The following SP140 variants were observed in gnomAD, a reference collection of about 807,000 sequenced individuals.
The protein encoded by SP140 is SP140 nuclear body protein, also known as nuclear body protein SP140.
SP140 carries 81 observed loss-of-function variants against 125.0 expected under a neutral mutation model. That is an observed-to-expected ratio of 0.65 (90% CI 0.54 to 0.78). The LOEUF is 0.78. SP140 is among the 30% of genes least tolerant of loss of function. The pLI is 0.00. For missense variants in SP140, 858 were observed against 1,037.0 expected, an observed-to-expected ratio of 0.83 and a Z score of 2.37; for synonymous variants, 312 against 354.0, an observed-to-expected ratio of 0.88 and a Z score of 1.33.
upstream of SP140, among the ~76,000 whole-genome samples, chr2:230,198,839 C>G (rs2042995498): frequency 1.3e-5 from 2 of 152,126 alleles, no homozygotes; most frequent in South Asian, 4.1e-4. Context: ...CTGAAGTGAT[C>G]CACCCACCTC....
At chr2:230,195,066 GT>G in the SP140 span, among the ~76,000 whole-genome samples, 1 of 149,922 alleles carries the variant, frequency 6.7e-6, no homozygotes, top group Admixed American at 6.6e-5. Context: ...TTTTTTTTCT[GT>G]TTTCTTTTTG....
intron 20 of SP140, among the ~76,000 whole-genome samples, 153 bp from the exon 21 acceptor site, chr2:230,294,118 G>A (rs180885092): frequency 6.6e-6 from 1 of 152,322 alleles, no homozygotes; most frequent in East Asian, 1.9e-4. Context: ...AGAAGCACAG[G>A]TGAAGACAGG....
At chr2:230,262,406 C>T in intron 12 of SP140, among the ~76,000 whole-genome samples, 1 of 152,070 alleles carries the variant, frequency 6.6e-6, no homozygotes, top group East Asian at 1.9e-4. Flanking sequence ...GCTTTTGTTT[C>T]ATTTATCGTT....
chr2:230,213,050 C>T (rs2044670167), intron 1 of SP140: 1 of 1,612,654 alleles, frequency 6.2e-7, no homozygotes, highest in Non-Finnish European at 8.5e-7. Flanking sequence ...AAGGGACACA[C>T]ATCAGTACCC....
upstream of SP140, among the ~76,000 whole-genome samples, chr2:230,199,031 A>G (rs1001939769): frequency 6.6e-6 from 1 of 152,070 alleles, no homozygotes; most frequent in South Asian, 2.1e-4. Context: ...TGATGGAGCC[A>G]CATGCTGAGG....
intron 15 of SP140, among the ~76,000 whole-genome samples, chr2:230,281,874 G>T (rs1286585695): frequency 6.6e-6 from 1 of 152,082 alleles, no homozygotes; most frequent in Non-Finnish European, 1.5e-5. Context: ...ATTCTTGTAG[G>T]AGTCTTCCTG....
intron 1 of SP140, chr2:230,212,339 A>G (rs2148922663): frequency 6.3e-7 from 1 of 1,599,040 alleles, no homozygotes; most frequent in Non-Finnish European, 8.6e-7. Flanking sequence ...AGCCCCAGTC[A>G]GTGTTACCTT....
At chr2:230,207,956 C>A in intron 1 of SP140, 1 of 1,092,340 alleles carries the variant, frequency 9.2e-7, no homozygotes, top group East Asian at 2.4e-5. Context: ...TGAGCTGTTT[C>A]CAGCCTCCAG....
intron 1 of SP140, chr2:230,208,033 AC>A: frequency 1.9e-6 from 3 of 1,565,416 alleles, no homozygotes; most frequent in Non-Finnish European, 2.6e-6. Context: ...TTTGGAGTTG[AC>A]CAGATACATC....
upstream of SP140, among the ~76,000 whole-genome samples, chr2:230,224,489 G>C (rs560329112): frequency 5.3e-5 from 8 of 150,716 alleles, no homozygotes; most frequent in East Asian, 9.7e-4. Context: ...GAGAGGGAGA[G>C]AGAGGGAGAC....
chr2:230,297,287 C>T, intron 21 of SP140, 134 bp from the exon 22 acceptor site: 1 of 1,031,838 alleles, frequency 9.7e-7, no homozygotes, highest in African/African-American at 1.6e-5. Flanking sequence ...AGCCTACTGG[C>T]CTTCTCTCTT....
intron 12 of SP140, among the ~76,000 whole-genome samples, chr2:230,265,812 T>C (rs192074631): frequency 4.9e-4 from 74 of 151,982 alleles, no homozygotes; most frequent in African/African-American, 1.7e-3. Context: ...GTCTCCTGGG[T>C]CCTGCAGGTG....
intron 3 of SP140, among the ~76,000 whole-genome samples, chr2:230,216,578 C>T (rs1414968547): frequency 6.6e-6 from 1 of 152,202 alleles, no homozygotes; most frequent in Admixed American, 6.5e-5. Context: ...GTCATTGTTA[C>T]AGCAGTCCTT....
At chr2:230,222,909 C>G (rs1394364735), upstream of SP140, among the ~76,000 whole-genome samples, 18 of 148,064 alleles carry the variant, frequency 1.2e-4, no homozygotes, top group African/African-American at 4.5e-4. Flanking sequence ...CTTTCTTTTC[C>G]TCATCATCAT....
In SP140 at chr2:230,257,626, T is replaced by C. The variant is rs147345097; in HGVS notation, c.1240+2094T>C. ...TACTAAAAATACAAAAATTAGCTGGTTGTGGTCGAGCACACCTGTAGTCCC... is the reference window on the plus strand; with the variant it reads ...TACTAAAAATACAAAAATTAGCTGGCTGTGGTCGAGCACACCTGTAGTCCC... On this transcript the variant is annotated intron_variant, in intron 12 of 26. Transcript: ENST00000392045. Among the ~76,000 whole-genome samples the C allele has an allele frequency of 1.2e-3, 182 of 152,064 alleles. 2 individuals are homozygous for C. Among genetic ancestry groups the C allele is most frequent in the African/African-American group, 4.3e-3 (177 of 41,514 alleles).
chr2:230,223,249 A>G (rs2045971004), upstream of SP140, among the ~76,000 whole-genome samples: 1 of 151,978 alleles, frequency 6.6e-6, no homozygotes, highest in Admixed American at 6.6e-5. Flanking sequence ...GTTGGCCAGG[A>G]TGGTCTTGAT....
chr2:230,223,601 G>C (rs2045994110), upstream of SP140, among the ~76,000 whole-genome samples: 1 of 152,222 alleles, frequency 6.6e-6, no homozygotes, highest in African/African-American at 2.4e-5. Flanking sequence ...TTATAGGCAA[G>C]AGATATTCAA....
At chr2:230,192,951 T>C in the SP140 span, among the ~76,000 whole-genome samples, 1 of 152,232 alleles carries the variant, frequency 6.6e-6, no homozygotes, top group Non-Finnish European at 1.5e-5. Flanking sequence ...AGTGGAATAC[T>C]GAAGTTCCCC....
At chr2:230,249,056 C>T (rs2049951657) in intron 9 of SP140, 88 bp downstream of exon 9, 2 of 949,622 alleles carry the variant, frequency 2.1e-6, no homozygotes, top group African/African-American at 1.7e-5. Flanking sequence ...TCCCATCCTA[C>T]CCTTCCCTTC....
Sources: gnomAD v4.1 joint callset for allele counts (sites outside exome capture counted in the v4.1 genomes callset) on GRCh38, gnomAD v4.1.1 for gene constraint, MANE v1.5 for transcripts, NCBI Gene and HGNC (gene_info 2026-07-23, HGNC 2026-07-21) for gene names.